USP34: variants seen among roughly 807,000 people sequenced by gnomAD.
USP34 encodes the protein ubiquitin specific peptidase 34.
USP34 carries 70 observed loss-of-function variants against 460.3 expected under a neutral mutation model. That is an observed-to-expected ratio of 0.15 (90% CI 0.13 to 0.19). The LOEUF is 0.19. USP34 is among the 10% of genes least tolerant of loss of function. USP34 has a pLI of 1.00. For missense variants in USP34, 3,985 were observed against 4,236.2 expected (o/e 0.94, Z 1.65); for synonymous variants, 1,647 against 1,405.3 (o/e 1.17, Z -3.85).
At chr2:61,330,750 A>G (rs1478824901) in intron 20 of USP34, among the ~76,000 whole-genome samples, 1 of 151,906 alleles carries the variant, frequency 6.6e-6, no homozygotes, top group Non-Finnish European at 1.5e-5. Flanking sequence ...ATTTCTACCA[A>G]TTCTTGTCCC....
intron 1 of USP34, among the ~76,000 whole-genome samples, chr2:61,458,208 T>TG (rs1029689475): frequency 2.0e-5 from 3 of 152,056 alleles, no homozygotes; most frequent in Non-Finnish European, 2.9e-5. Context: ...ACTTCAGACT[T>TG]GGAGTTCAGG....
At chr2:61,265,025 T>A (rs570545055) in intron 43 of USP34, among the ~76,000 whole-genome samples, 1 of 152,334 alleles carries the variant, frequency 6.6e-6, no homozygotes, top group African/African-American at 2.4e-5. Context: ...TGGTAATACT[T>A]CTCTACTTGG....
At chr2:61,325,296 A>G in intron 21 of USP34, 79 bp downstream of exon 21, 1 of 882,442 alleles carries the variant, frequency 1.1e-6, no homozygotes, top group Non-Finnish European at 1.7e-6. Flanking sequence ...AAAAAACTGC[A>G]GAAATCAGAA....
intron 3 of USP34, among the ~76,000 whole-genome samples, chr2:61,398,565 G>C (rs1693613205): frequency 5.0e-5 from 1 of 20,128 alleles, no homozygotes; most frequent in South Asian, 3.3e-3. Flanking sequence ...GCGGAAGCGG[G>C]AAGAGGGGAA....
At chr2:61,417,199 C>T (rs1237034439) in intron 2 of USP34, 8 of 1,558,686 alleles carry the variant, frequency 5.1e-6, no homozygotes, top group East Asian at 4.5e-5. Flanking sequence ...TTGGACCCTA[C>T]ACTGGGGTAG....
At chr2:61,410,089 C>G (rs1188702344) in intron 2 of USP34, among the ~76,000 whole-genome samples, 2 of 152,044 alleles carry the variant, frequency 1.3e-5, no homozygotes, top group Non-Finnish European at 2.9e-5. Context: ...GACAATTTCT[C>G]CAAGGACCCA....
At chr2:61,427,683 G>C (rs965588690) in intron 1 of USP34, among the ~76,000 whole-genome samples, 2 of 152,200 alleles carry the variant, frequency 1.3e-5, no homozygotes, top group Non-Finnish European at 2.9e-5. Flanking sequence ...GCTGAAAAAC[G>C]CAATTGGCAT....
intron 20 of USP34, 143 bp downstream of exon 20, chr2:61,331,133 A>T: frequency 1.4e-6 from 1 of 706,362 alleles, no homozygotes; most frequent in Non-Finnish European, 2.2e-6. Context: ...AAAAAGTTCT[A>T]GCAGCCTTTT....
intron 62 of USP34, 143 bp downstream of exon 62, chr2:61,226,924 T>C: frequency 9.5e-7 from 1 of 1,052,300 alleles, no homozygotes; most frequent in South Asian, 2.2e-5. Flanking sequence ...TTTAAAAGGA[T>C]TTATATAATA....
At chr2:61,416,605 G>A (rs999229333) in intron 2 of USP34, among the ~76,000 whole-genome samples, 5 of 152,106 alleles carry the variant, frequency 3.3e-5, no homozygotes, top group African/African-American at 9.7e-5. Flanking sequence ...GAAGAATTAT[G>A]CTCTGTGGTA....
intron 1 of USP34, among the ~76,000 whole-genome samples, chr2:61,435,307 C>CAAAAAAAAAAAAA (rs59158283): frequency 7.3e-5 from 3 of 40,954 alleles, no homozygotes; most frequent in East Asian, 1.5e-3. Context: ...GACCTTGTTT[C>CAAAAAAAAAAAAA]AAAAAAAAAA....
At chr2:61,250,934 C>G (rs528493676) in intron 48 of USP34, among the ~76,000 whole-genome samples, 1 of 152,094 alleles carries the variant, frequency 6.6e-6, no homozygotes, top group African/African-American at 2.4e-5. Context: ...GTCAGGAGAT[C>G]GAGACCATCC....
intron 68 of USP34, 81 bp downstream of exon 68, chr2:61,213,979 G>A (rs539749171): frequency 1.4e-5 from 21 of 1,522,564 alleles, no homozygotes; most frequent in East Asian, 2.3e-5. Flanking sequence ...TCTATATTCT[G>A]CCACCACTTC....
Position 61,236,051 on chromosome 2 carries a change from T to C in USP34, c.6941A>G (p.Glu2314Gly). 6.2e-7 allele frequency: 1 copy of C among 1,607,582 alleles called. No homozygotes were observed. Among genetic ancestry groups the C allele is most frequent in the Non-Finnish European group, 8.5e-7 (1 of 1,178,448 alleles). Residue 2314 changes from glutamate (E) to glycine (G), a missense_variant, in exon 56 of 80, where the codon GAG becomes GGG. Glu to Gly is a moderately conservative substitution (Grantham distance 98, BLOSUM62 -2). Coordinates refer to ENST00000398571, the MANE Select transcript of USP34 (RefSeq NM_014709.4). Reference protein sequence around the residue: ...TAKLSTSFVLETFIHSKEKPT... With the variant: ...TAKLSTSFVLGTFIHSKEKPT... ...CTTTTCTTTAGAATGAATAAATGTCTCTAGGACAAAGGAAGTGCTTAACTG... is the reference window on the plus strand; with the variant it reads ...CTTTTCTTTAGAATGAATAAATGTCCCTAGGACAAAGGAAGTGCTTAACTG...
intron 75 of USP34, among the ~76,000 whole-genome samples, chr2:61,198,558 T>G (rs931251144): frequency 2.0e-5 from 2 of 98,812 alleles, no homozygotes; most frequent in South Asian, 2.5e-4. Flanking sequence ...TCTGATAGAC[T>G]TTTTTTTTTT....
intron 69 of USP34, among the ~76,000 whole-genome samples, chr2:61,210,059 A>T (rs1218350215): frequency 1.3e-5 from 2 of 152,272 alleles, no homozygotes; most frequent in African/African-American, 4.8e-5. Flanking sequence ...TAGAAGAATC[A>T]AGAAGTTAAA....
At chr2:61,235,696 ACTTTCTCAG>A in intron 57 of USP34, 140 bp downstream of exon 57, 1 of 687,888 alleles carries the variant, frequency 1.5e-6, no homozygotes, top group Non-Finnish European at 2.4e-6. Context: ...ATAAATTATA[ACTTTCTCAG>A]CTACCAAATG....
intron 44 of USP34, among the ~76,000 whole-genome samples, chr2:61,258,071 AG>A (rs1688768763): frequency 6.6e-6 from 1 of 152,070 alleles, no homozygotes; most frequent in Admixed American, 6.6e-5. Flanking sequence ...AGGAGATTAA[AG>A]GCCAGGTATG....
chr2:61,365,292 C>CACACACACA (rs754663268), intron 10 of USP34, among the ~76,000 whole-genome samples: 1 of 142,096 alleles, frequency 7.0e-6, no homozygotes, highest in Non-Finnish European at 1.5e-5. Context: ...CACACACACA[C>CACACACACA]GTGTGTTTAT....
Sources: gnomAD v4.1 joint callset for allele counts (sites outside exome capture counted in the v4.1 genomes callset) on GRCh38, gnomAD v4.1.1 for gene constraint, MANE v1.5 for transcripts, NCBI Gene and HGNC (gene_info 2026-07-23, HGNC 2026-07-21) for gene names.